RAB8A: variants seen among roughly 807,000 people sequenced by gnomAD.
RAB8A encodes RAB8A, member RAS oncogene family, also known as ras-related protein Rab-8A.
RAB8A carries 5 observed loss-of-function variants against 29.2 expected under a neutral mutation model. The observed-to-expected ratio is 0.17, with a 90% CI of 0.09 to 0.36. The LOEUF (loss-of-function observed/expected upper bound fraction) is 0.36, where lower values mean the gene tolerates loss of function less well. Among genes scored for constraint, RAB8A ranks in the 10% least tolerant of loss-of-function variants. RAB8A has a pLI of 1.00. For synonymous variants in RAB8A, 108 were observed against 99.9 expected, an observed-to-expected ratio of 1.08 and a Z score of -0.49; for missense variants, 171 against 272.2, an observed-to-expected ratio of 0.63 and a Z score of 2.62.
Position 16,132,944 on chromosome 19 carries a change from G to A in RAB8A, c.*640G>A, listed in dbSNP as rs1054094839. On this transcript the variant is annotated 3_prime_UTR_variant, in exon 8 of 8. Transcript: ENST00000300935. This position sits in a 1 kb window ranked among gnomAD's most constrained non-coding sequence, Gnocchi z 5.6. Reference sequence around the variant, plus strand: ...GTGTAAAGCATTGAGAAGGAAAGAAGCCTGGAGCAGCCTCTCCTGTCCACA... The same window carrying A: ...GTGTAAAGCATTGAGAAGGAAAGAAACCTGGAGCAGCCTCTCCTGTCCACA... The A allele has an allele frequency of 2.4e-4, 37 of 153,166 alleles. No individual in the cohort carries two copies. The highest frequency in any genetic ancestry group is 7.2e-4 in the African/African-American group (30 of 41,572). The allele number at this position is 153,166 out of a possible 1,614,324, so 9.5% of individuals were successfully genotyped here.
intron 2 of RAB8A, among the ~76,000 whole-genome samples, chr19:16,119,530 T>G (rs1192896861): frequency 6.6e-6 from 1 of 151,930 alleles, no homozygotes; most frequent in African/African-American, 2.4e-5. Context: ...TAATCTGACT[T>G]TGGGAGTCGG....
intron 3 of RAB8A, chr19:16,123,598 A>G (rs2090884403): frequency 6.6e-6 from 1 of 152,174 alleles, no homozygotes; most frequent in African/African-American, 2.4e-5. Flanking sequence ...CAGAGCAAGT[A>G]TCCGTCGCTT....
rs902561582 is a variant in RAB8A at position 16,131,278 on chromosome 19, A to G, written c.532-934A>G. 2.0e-5 allele frequency among the ~76,000 whole-genome samples: 3 copies of G among 152,184 alleles called. No homozygotes were observed. In the East Asian group the frequency reaches 5.8e-4, roughly 29 times the overall value. ...TGAGAGAGTGGTTGGAAGGGGTGGT[A>G]TATAGCAGATGGAAAATAGATCTGT... On this transcript the variant is annotated intron_variant, in intron 7 of 7. Transcript: ENST00000300935.
chr19:16,128,332 G>A (rs1003298406), intron 6 of RAB8A, among the ~76,000 whole-genome samples: 1 of 152,154 alleles, frequency 6.6e-6, no homozygotes, highest in Non-Finnish European at 1.5e-5. Context: ...CGCATCTCAC[G>A]GGCTCTTGGG....
chr19:16,128,170 C>A, intron 6 of RAB8A, 79 bp downstream of exon 6: 1 of 1,476,276 alleles, frequency 6.8e-7, no homozygotes, highest in Non-Finnish European at 9.4e-7. Context: ...TGGCGTCCTC[C>A]GAGGAGGTCC....
At position 16,122,113 on chromosome 19, in the gene RAB8A, G is replaced by A. The variant is rs997503275; in HGVS notation, c.246+303G>A. ...AGGTGAGCTCAGTGCAGTTAAAGCC[G>A]GCATGCCCCGACTTTTAGGAGCTGT... is the stretch of plus-strand genomic sequence containing the variant. On this transcript the variant is annotated intron_variant, in intron 3 of 7. Transcript: ENST00000300935. This position sits in a 1 kb window ranked among gnomAD's most constrained non-coding sequence, Gnocchi z 4.7. 2.4e-5 allele frequency: 7 copies of A among 291,548 alleles called. No individual in the cohort carries two copies. Among genetic ancestry groups the A allele is most frequent in the South Asian group, 8.6e-5 (1 of 11,656 alleles). 18.1% of individuals were successfully genotyped at this position (291,548 alleles called of 1,614,324 possible).
rs1310957564 is a variant in RAB8A at position 16,129,618 on chromosome 19, CT to C, written c.531+16del. 6.2e-7 allele frequency: 1 copy of C among 1,613,082 alleles called. No individual in the cohort carries two copies. Among genetic ancestry groups the C allele is most frequent in the South Asian group, 1.1e-5 (1 of 91,050 alleles). On this transcript the variant is annotated intron_variant, in intron 7 of 7. Coordinates refer to ENST00000300935, the MANE Select transcript of RAB8A (RefSeq NM_005370.5). The stretch of plus-strand genomic sequence containing the variant: ...GACAAAAAATTGGTGAGTGTGTGTC[CT>C]TCCGAGATCCCCGGGTGGATCTCTG...
At position 16,114,535 on chromosome 19, in the gene RAB8A, C is replaced by T. The variant is rs927349115; in HGVS notation, c.124+2510C>T. Among the ~76,000 whole-genome samples, 6 of 149,978 alleles carry T rather than the reference C, an allele frequency of 4.0e-5. No individual in the cohort carries two copies. The South Asian group carries it at 1.3e-3, about 32-fold the overall frequency. ...GGGATTACAAGCACCTGCCACCATGCCCAGCTAATTTTTGTATTTTTTTTT... is the reference window on the plus strand; with the variant it reads ...GGGATTACAAGCACCTGCCACCATGTCCAGCTAATTTTTGTATTTTTTTTT... On this transcript the variant is annotated intron_variant, in intron 1 of 7. Transcript: ENST00000300935.
At position 16,132,672 on chromosome 19, in the gene RAB8A, C is replaced by T; in HGVS notation, c.*368C>T. ...GCCTCACTGCAACACAAAGCTCCACCAGGAGGCTGGTTCACGTCCCCTACC... is the reference window on the plus strand; with the variant it reads ...GCCTCACTGCAACACAAAGCTCCACTAGGAGGCTGGTTCACGTCCCCTACC... On this transcript the variant is annotated 3_prime_UTR_variant, in exon 8 of 8. Transcript: ENST00000300935. This position sits in a 1 kb window ranked among gnomAD's most constrained non-coding sequence, Gnocchi z 5.6. 1 of 205,274 alleles carries T rather than the reference C, an allele frequency of 4.9e-6. No homozygotes were observed. The highest frequency in any genetic ancestry group is 1.0e-5 in the Non-Finnish European group (1 of 99,488). The allele number at this position is 205,274 out of a possible 1,614,324, so 12.7% of individuals were successfully genotyped here.
intron 3 of RAB8A, 92 bp downstream of exon 3, chr19:16,121,902 G>A (rs2090877155): frequency 4.7e-6 from 6 of 1,283,098 alleles, no homozygotes; most frequent in Non-Finnish European, 6.7e-6. Context: ...AGATGTTTCT[G>A]TGGAGCCCGT....
intron 2 of RAB8A, among the ~76,000 whole-genome samples, chr19:16,120,730 C>T (rs1188902424): frequency 6.6e-6 from 1 of 151,772 alleles, no homozygotes; most frequent in African/African-American, 2.4e-5. Flanking sequence ...TGTGTCTCGG[C>T]CTCCTAAGTA....
At chr19:16,121,925 C>A in intron 3 of RAB8A, 115 bp downstream of exon 3, 1 of 1,017,072 alleles carries the variant, frequency 9.8e-7, no homozygotes, top group Non-Finnish European at 1.5e-6. Context: ...CCCAACTCCT[C>A]AGGGCTCCTT....
chr19:16,116,552 C>T (rs1039128684), intron 1 of RAB8A, among the ~76,000 whole-genome samples: 11 of 152,154 alleles, frequency 7.2e-5, no homozygotes, highest in Admixed American at 2.0e-4. Flanking sequence ...AGGCCAGGCA[C>T]GCACGGTGGC....
chr19:16,125,013 T>TGAAAAAA lies in RAB8A; in HGVS notation c.247-457_247-456insGAAAAAA. The TGAAAAAA allele has an allele frequency of 6.6e-5, 13 of 196,880 alleles. No individual in the cohort carries two copies. Among genetic ancestry groups the TGAAAAAA allele is most frequent in the South Asian group, 3.6e-4 (4 of 11,112 alleles). 12.2% of individuals were successfully genotyped at this position (196,880 alleles called of 1,614,324 possible). A position where few individuals can be genotyped will look rare whatever the true frequency, so the allele number is the denominator to read the frequency against. ...TCGGGTCAGGACTTCCTGGGCTCAG[T>TGAAAAAA]TGTGCCTGGTAGGTGGCTCAGGCAG... is the stretch of plus-strand genomic sequence containing the variant. On this transcript the variant is annotated intron_variant, in intron 3 of 7. Coordinates refer to ENST00000300935, the MANE Select transcript of RAB8A (RefSeq NM_005370.5). The surrounding 1 kb of genome is among the most constrained non-coding windows in gnomAD (Gnocchi z 5.0).
chr19:16,121,011 G>A (rs2090872930), intron 2 of RAB8A, among the ~76,000 whole-genome samples: 1 of 151,588 alleles, frequency 6.6e-6, no homozygotes, highest in South Asian at 2.1e-4. Flanking sequence ...CCACCTCCTG[G>A]GTTCCAGCAG....
Position 16,121,910 on chromosome 19 carries a change from C to T in RAB8A, c.246+100C>T, listed in dbSNP as rs1306748837. 1.1e-5 allele frequency: 13 copies of T among 1,174,062 alleles called. 1 individual carries two copies. In the East Asian group the frequency reaches 1.9e-4, roughly 17 times the overall value. The allele number at this position is 1,174,062 out of a possible 1,614,324, so 72.7% of individuals were successfully genotyped here. ...GAAGCCTAGATGTTTCTGTGGAGCC[C>T]GTGCCCCAACTCCTCAGGGCTCCTT... On this transcript the variant is annotated intron_variant, in intron 3 of 7. Coordinates refer to ENST00000300935, the MANE Select transcript of RAB8A (RefSeq NM_005370.5).
intron 2 of RAB8A, among the ~76,000 whole-genome samples, chr19:16,120,986 G>A (rs550255910): frequency 2.0e-5 from 3 of 147,106 alleles, no homozygotes; most frequent in Admixed American, 1.4e-4. Flanking sequence ...GTGCAATCTC[G>A]GCTCACTGCA....
rs376626507 is a variant in RAB8A, at chr19:16,132,313, G to A, written c.*9G>A. 38 of 1,612,732 alleles carry A rather than the reference G, an allele frequency of 2.4e-5. No homozygotes were observed. Among genetic ancestry groups the A allele is most frequent in the African/African-American group, 4.0e-5 (3 of 74,894 alleles). The stretch of plus-strand genomic sequence containing the variant: ...GATGTGTTCTTCTGTGAGGAACACC[G>A]CCTTACTCTGAGCCTCGCTCAGCCC... On this transcript the variant is annotated 3_prime_UTR_variant, in exon 8 of 8. Transcript: ENST00000300935. This position sits in a 1 kb window ranked among gnomAD's most constrained non-coding sequence, Gnocchi z 5.6.
Position 16,132,977 on chromosome 19 carries a change from G to C in RAB8A, c.*673G>C, listed in dbSNP as rs1040273004. ...CAGCCTCTCCTGTCCACAGCCAGGG[G>C]TTAGGTCTGCAGGCCCGTCTGCGGT... On this transcript the variant is annotated 3_prime_UTR_variant, in exon 8 of 8. Transcript: ENST00000300935. This position sits in a 1 kb window ranked among gnomAD's most constrained non-coding sequence, Gnocchi z 5.6. The C allele has an allele frequency of 6.5e-6, 1 of 152,824 alleles. No individual in the cohort carries two copies. Among genetic ancestry groups the C allele is most frequent in the Non-Finnish European group, 1.5e-5 (1 of 68,228 alleles). The allele number at this position is 152,824 out of a possible 1,614,324, so 9.5% of individuals were successfully genotyped here. A position where few individuals can be genotyped will look rare whatever the true frequency, so the allele number is the denominator to read the frequency against.
Sources: allele counts gnomAD v4.1 joint callset (sites outside exome capture counted in the v4.1 genomes callset), GRCh38; gene constraint gnomAD v4.1.1; non-coding constraint Gnocchi (gnomAD v3.1); transcripts MANE v1.5; gene names NCBI Gene and HGNC (gene_info 2026-07-23, HGNC 2026-07-21).